Variants in CDK14 observed in about 807,000 individuals in gnomAD.
CDK14 encodes cyclin dependent kinase 14.
In CDK14, 34 loss-of-function variants were observed where a neutral mutation model predicts 60.7. The observed-to-expected ratio is 0.56, with a 90% CI of 0.43 to 0.75. The LOEUF is 0.75. Among genes scored for constraint, CDK14 ranks in the 30% least tolerant of loss-of-function variants. The probability of loss-of-function intolerance (pLI) is 0.00; values close to 1 mark genes in which losing one functional copy is unlikely to be tolerated. For synonymous variants in CDK14, 197 were observed against 203.7 expected, an observed-to-expected ratio of 0.97 and a Z score of 0.28; for missense variants, 482 against 564.1, an observed-to-expected ratio of 0.85 and a Z score of 1.47.
intron 6 of CDK14, among the ~76,000 whole-genome samples, chr7:90,876,675 T>C (rs1791573176): frequency 6.6e-6 from 1 of 152,184 alleles, no homozygotes; most frequent in South Asian, 2.1e-4. Flanking sequence ...CAAAATTTGG[T>C]GAGTGGGAAT....
In CDK14 at chr7:90,791,615, A is replaced by G. The variant is rs577397831; in HGVS notation, c.544+963A>G. Among the ~76,000 whole-genome samples, 10 of 152,236 alleles carry G rather than the reference A, an allele frequency of 6.6e-5. No individual in the cohort carries two copies. In the South Asian group the frequency reaches 2.1e-3, roughly 32 times the overall value. ...TGATTTACATGTATCATTTTTGAAA[A>G]TCTTGTTTCTATTTCTACTCTCTCA... On this transcript the variant is annotated intron_variant, in intron 5 of 14. Transcript: ENST00000380050.
intron 3 of CDK14, among the ~76,000 whole-genome samples, chr7:90,728,253 T>G (rs1319992144): frequency 1.3e-5 from 2 of 152,032 alleles, no homozygotes; most frequent in Non-Finnish European, 2.9e-5. Context: ...TTTCAATTTT[T>G]GAGTTAATTT....
intron 14 of CDK14, among the ~76,000 whole-genome samples, chr7:91,161,459 C>T (rs571840448): frequency 5.9e-5 from 9 of 152,232 alleles, no homozygotes; most frequent in South Asian, 2.1e-4. Context: ...TTGTTTAGAG[C>T]GGTGTGTTTT....
chr7:90,645,682 A>G (rs1394393669), intron 2 of CDK14, among the ~76,000 whole-genome samples: 2 of 152,166 alleles, frequency 1.3e-5, no homozygotes, highest in Non-Finnish European at 2.9e-5. Context: ...CTTAAAATGA[A>G]TGTTTTTAGA....
At chr7:90,631,890 C>A (rs1282742177) in intron 2 of CDK14, 1 of 152,176 alleles carries the variant, frequency 6.6e-6, no homozygotes, top group East Asian at 1.9e-4. Context: ...GATCAAGGAA[C>A]TAGTGCATGG....
intron 14 of CDK14, among the ~76,000 whole-genome samples, chr7:91,201,364 T>C (rs762409443): frequency 8.5e-5 from 13 of 152,164 alleles, no homozygotes; most frequent in Non-Finnish European, 1.8e-4. Flanking sequence ...ACATACATCC[T>C]GGAGAATATC....
intron 1 of CDK14, among the ~76,000 whole-genome samples, chr7:90,599,266 T>C (rs1206049034): frequency 1.3e-5 from 2 of 152,238 alleles, no homozygotes. Flanking sequence ...AGATATGTTA[T>C]CATTGTTTTT....
intron 14 of CDK14, among the ~76,000 whole-genome samples, chr7:91,147,067 A>G (rs1488259818): frequency 6.6e-6 from 1 of 151,856 alleles, no homozygotes; most frequent in East Asian, 1.9e-4. Flanking sequence ...TTGCTTCATC[A>G]GCATCGTCTG....
intron 12 of CDK14, among the ~76,000 whole-genome samples, chr7:91,103,798 C>T (rs1799208258): frequency 6.6e-6 from 1 of 151,252 alleles, no homozygotes; most frequent in Non-Finnish European, 1.5e-5. Flanking sequence ...TTCTTTCATA[C>T]ATTTTTTTAA....
At chr7:90,890,579 TTAGTTA>T (rs1318370614) in intron 6 of CDK14, among the ~76,000 whole-genome samples, 1 of 152,224 alleles carries the variant, frequency 6.6e-6, no homozygotes, top group Non-Finnish European at 1.5e-5. Flanking sequence ...TATAATTTTA[TTAGTTA>T]TAATTTGGAA....
At chr7:90,916,559 T>G (rs1407532582) in intron 7 of CDK14, among the ~76,000 whole-genome samples, 1 of 152,218 alleles carries the variant, frequency 6.6e-6, no homozygotes, top group African/African-American at 2.4e-5. Context: ...TTGCCAATCT[T>G]TTCGATTCAA....
chr7:91,017,614 T>C lies in CDK14; in HGVS notation c.1042-28283T>C, dbSNP rs1173657645. 2.0e-5 allele frequency among the ~76,000 whole-genome samples: 3 copies of C among 152,228 alleles called. No individual in the cohort carries two copies. The East Asian group carries it at 5.8e-4, about 29-fold the overall frequency. On this transcript the variant is annotated intron_variant, in intron 10 of 14. Transcript: ENST00000380050. ...GATGGACTTTTGGTCTGTGTATTGCTATTATTGATTACTTCAGATGGTCGA... is the reference window on the plus strand; with the variant it reads ...GATGGACTTTTGGTCTGTGTATTGCCATTATTGATTACTTCAGATGGTCGA...
At chr7:90,968,798 C>T (rs1186656645) in intron 9 of CDK14, among the ~76,000 whole-genome samples, 3 of 150,186 alleles carry the variant, frequency 2.0e-5, no homozygotes, top group Non-Finnish European at 3.0e-5. Context: ...TTTTCTCACA[C>T]ACTGGGTGTG....
intron 4 of CDK14, among the ~76,000 whole-genome samples, chr7:90,756,828 G>C (rs1804079573): frequency 6.6e-6 from 1 of 152,280 alleles, no homozygotes; most frequent in Non-Finnish European, 1.5e-5. Flanking sequence ...CCCAGAAACA[G>C]CTCTCATTAT....
intron 12 of CDK14, among the ~76,000 whole-genome samples, chr7:91,086,963 A>G (rs1301818515): frequency 2.0e-5 from 3 of 152,110 alleles, no homozygotes; most frequent in African/African-American, 7.2e-5. Flanking sequence ...TTGCAGCTTT[A>G]TTGCCCAGGC....
intron 10 of CDK14, 86 bp downstream of exon 10, chr7:90,984,327 T>A: frequency 1.2e-6 from 1 of 861,824 alleles, no homozygotes. Flanking sequence ...TGTGGAAAAA[T>A]AATTTAAAAC....
At chr7:90,614,407 T>C (rs1355918445) in intron 2 of CDK14, among the ~76,000 whole-genome samples, 2 of 149,134 alleles carry the variant, frequency 1.3e-5, no homozygotes, top group African/African-American at 2.5e-5. Context: ...TTTTGCAAGC[T>C]TAATTTCTTT....
chr7:90,999,065 A>G (rs1218163972), intron 10 of CDK14, among the ~76,000 whole-genome samples: 1 of 152,080 alleles, frequency 6.6e-6, no homozygotes, highest in Non-Finnish European at 1.5e-5. Context: ...TTCTCTTCTT[A>G]TAAAGCCACC....
intron 10 of CDK14, among the ~76,000 whole-genome samples, chr7:90,999,561 C>T (rs1326588620): frequency 6.6e-6 from 1 of 152,106 alleles, no homozygotes; most frequent in African/African-American, 2.4e-5. Context: ...TGCACTCCAG[C>T]CTGGGTGACA....
Sources: gnomAD v4.1 joint callset for allele counts (sites outside exome capture counted in the v4.1 genomes callset) on GRCh38, gnomAD v4.1.1 for gene constraint, MANE v1.5 for transcripts, NCBI Gene and HGNC (gene_info 2026-07-23, HGNC 2026-07-21) for gene names.